Variants in MCPH1 observed in about 807,000 individuals in gnomAD.
MCPH1 encodes the protein microcephalin 1, also known as microcephalin.
MCPH1 carries 104 observed loss-of-function variants against 84.5 expected under a neutral mutation model. That is an observed-to-expected ratio of 1.23 (90% CI 1.05 to 1.45). The LOEUF is 1.45. MCPH1 is among the 40% of genes most tolerant of loss of function. The pLI is 0.00. For synonymous variants in MCPH1, 514 were observed against 366.8 expected, an observed-to-expected ratio of 1.40 and a Z score of -4.58; for missense variants, 1,498 against 1,005.7, an observed-to-expected ratio of 1.49 and a Z score of -6.62.
At chr8:6,473,396 T>C (rs1181118343) in intron 9 of MCPH1, among the ~76,000 whole-genome samples, 4 of 145,440 alleles carry the variant, frequency 2.8e-5, no homozygotes, top group Non-Finnish European at 6.0e-5. Flanking sequence ...AGTGGCACGA[T>C]CTTGGCTCAC....
chr8:6,619,180 G>A (rs1831155867), intron 12 of MCPH1: 2 of 152,282 alleles, frequency 1.3e-5, no homozygotes. Flanking sequence ...GGAGATCGGT[G>A]CCCCCCAGAA....
At chr8:6,410,226 G>T (rs1260471176) in intron 2 of MCPH1, among the ~76,000 whole-genome samples, 1 of 151,482 alleles carries the variant, frequency 6.6e-6, no homozygotes, top group Non-Finnish European at 1.5e-5. Context: ...CGCCCACCTC[G>T]GCCTCCCAAA....
intron 8 of MCPH1, among the ~76,000 whole-genome samples, chr8:6,453,442 G>C (rs117041139): frequency 6.7e-6 from 1 of 149,152 alleles, no homozygotes; most frequent in African/African-American, 2.5e-5. Context: ...AAAAGATTGT[G>C]TTGCATTTCT....
intron 13 of MCPH1, chr8:6,627,125 A>G (rs1036874543): frequency 2.0e-6 from 2 of 985,170 alleles, no homozygotes; most frequent in Non-Finnish European, 2.4e-6. Context: ...TGGCTCATTC[A>G]TCGTTTCCCC....
rs544758515 is a variant in MCPH1, at chr8:6,503,381, G to A, written c.2214+3452G>A. 5 of 962,562 alleles carry A rather than the reference G, an allele frequency of 5.2e-6. No individual in the cohort carries two copies. In the Admixed American group the frequency reaches 1.0e-4, roughly 19 times the overall value. 59.6% of individuals were successfully genotyped at this position (962,562 alleles called of 1,614,324 possible). On this transcript the variant is annotated intron_variant, in intron 12 of 13. Coordinates refer to ENST00000344683, the MANE Select transcript of MCPH1 (RefSeq NM_024596.5). Reference sequence around the variant, plus strand: ...CAGGCGTGTGGAGTAGGCACATGCAGATGATGGTGAGTATAGGATGTGCAC... The same window carrying A: ...CAGGCGTGTGGAGTAGGCACATGCAAATGATGGTGAGTATAGGATGTGCAC...
At position 6,446,853 on chromosome 8, in the gene MCPH1, A is replaced by G. The variant is rs1282141180; in HGVS notation, c.1825+1306A>G. The stretch of plus-strand genomic sequence containing the variant: ...TGGGAGTGTGCTAGTCCTCGGAAGC[A>G]GGTGTGTTATGTTCTAGAACACTGC... On this transcript the variant is annotated intron_variant, in intron 8 of 13. Coordinates refer to ENST00000344683, the MANE Select transcript of MCPH1 (RefSeq NM_024596.5). 4 of 985,154 alleles carry G rather than the reference A, an allele frequency of 4.1e-6. No homozygotes were observed. In the African/African-American group the frequency reaches 7.0e-5, roughly 17 times the overall value. The allele number at this position is 985,154 out of a possible 1,614,324, so 61.0% of individuals were successfully genotyped here.
chr8:6,581,630 G>A (rs1448928827), intron 12 of MCPH1, among the ~76,000 whole-genome samples: 1 of 152,204 alleles, frequency 6.6e-6, no homozygotes, highest in East Asian at 1.9e-4. Context: ...CGCAGACTGT[G>A]TGTGGCTAAA....
rs143066384 is a variant in MCPH1, at chr8:6,412,502, C to G, written c.115-2263C>G. Reference sequence around the variant, plus strand: ...CTCGTAATCCGGGATTATCTTAAGCCAATTTCAGGATTTGAGATGATTTAA... The same window carrying G: ...CTCGTAATCCGGGATTATCTTAAGCGAATTTCAGGATTTGAGATGATTTAA... On this transcript the variant is annotated intron_variant, in intron 2 of 13. Transcript: ENST00000344683. 1.9e-3 allele frequency among the ~76,000 whole-genome samples: 285 copies of G among 152,242 alleles called. 1 individual carries two copies. Among genetic ancestry groups the G allele is most frequent in the African/African-American group, 6.5e-3 (268 of 41,536 alleles).
intron 8 of MCPH1, among the ~76,000 whole-genome samples, chr8:6,453,883 T>C (rs1050459835): frequency 2.0e-5 from 3 of 152,272 alleles, no homozygotes; most frequent in South Asian, 4.2e-4. Flanking sequence ...TTAGGGATTA[T>C]GGCAAAGAGT....
intron 9 of MCPH1, among the ~76,000 whole-genome samples, chr8:6,464,987 G>T (rs1045764485): frequency 4.8e-5 from 7 of 147,354 alleles, no homozygotes; most frequent in Non-Finnish European, 1.0e-4. Flanking sequence ...CAACAGAGAA[G>T]ATTCCATCTC....
intron 8 of MCPH1, among the ~76,000 whole-genome samples, chr8:6,454,923 C>T (rs1481495077): frequency 6.6e-6 from 1 of 152,146 alleles, no homozygotes; most frequent in Non-Finnish European, 1.5e-5. Flanking sequence ...ACACTGTAAC[C>T]TGATTGTTAC....
At chr8:6,549,589 C>G (rs563763433) in intron 12 of MCPH1, among the ~76,000 whole-genome samples, 1 of 151,820 alleles carries the variant, frequency 6.6e-6, no homozygotes, top group African/African-American at 2.4e-5. Flanking sequence ...GGCGGGAAGC[C>G]TTCTGCATCT....
intron 11 of MCPH1, among the ~76,000 whole-genome samples, chr8:6,498,670 A>G (rs1221412238): frequency 3.3e-5 from 5 of 152,166 alleles, no homozygotes; most frequent in Non-Finnish European, 4.4e-5. Context: ...GGTACGTTGT[A>G]TTTCTCACTG....
chr8:6,449,315 A>G (rs969474395), intron 8 of MCPH1, among the ~76,000 whole-genome samples: 1 of 152,140 alleles, frequency 6.6e-6, no homozygotes, highest in African/African-American at 2.4e-5. Flanking sequence ...AAGCTCCTCA[A>G]TTGTGCAGTT....
chr8:6,636,534 C>T (rs1386595723), intron 13 of MCPH1, among the ~76,000 whole-genome samples: 2 of 152,052 alleles, frequency 1.3e-5, no homozygotes, highest in East Asian at 3.9e-4. Context: ...GGCTGGTGTA[C>T]AGTGCTGCGA....
chr8:6,639,148 C>T (rs964280569), intron 13 of MCPH1, among the ~76,000 whole-genome samples: 1 of 152,150 alleles, frequency 6.6e-6, no homozygotes, highest in Non-Finnish European at 1.5e-5. Flanking sequence ...TGGAAGGATA[C>T]ATGCGTGGAA....
At chr8:6,596,305 C>T (rs1828921125) in intron 12 of MCPH1, among the ~76,000 whole-genome samples, 2 of 152,164 alleles carry the variant, frequency 1.3e-5, no homozygotes, top group African/African-American at 4.8e-5. Flanking sequence ...GCAGTGAGCT[C>T]TGGCGTTCTT....
intron 9 of MCPH1, among the ~76,000 whole-genome samples, chr8:6,465,206 A>C (rs2129557844): frequency 6.6e-6 from 1 of 152,318 alleles, no homozygotes; most frequent in East Asian, 1.9e-4. Flanking sequence ...GATATTCGGA[A>C]ACTCAATAGC....
At chr8:6,641,645 G>A (rs767226128) in intron 13 of MCPH1, among the ~76,000 whole-genome samples, 23 of 152,306 alleles carry the variant, frequency 1.5e-4, no homozygotes, top group Non-Finnish European at 3.2e-4. Flanking sequence ...CTGGGAAGCT[G>A]AGTCTGGAGG....
Sources: gnomAD v4.1 joint callset for allele counts (sites outside exome capture counted in the v4.1 genomes callset) on GRCh38, gnomAD v4.1.1 for gene constraint, MANE v1.5 for transcripts, NCBI Gene and HGNC (gene_info 2026-07-23, HGNC 2026-07-21) for gene names.